XKR6: variants seen among roughly 807,000 people sequenced by gnomAD.
The protein encoded by XKR6 is XK related 6, also known as XK-related protein 6.
A neutral mutation model predicts 56.7 loss-of-function variants in XKR6; 22 were observed. That is an observed-to-expected ratio of 0.39 (90% CI 0.28 to 0.55). XKR6 has a LOEUF of 0.55. XKR6 is among the 20% of genes least tolerant of loss of function. XKR6 has a pLI of 0.66. For synonymous variants in XKR6, 524 were observed against 387.8 expected, an observed-to-expected ratio of 1.35 and a Z score of -4.13; for missense variants, 852 against 889.0, an observed-to-expected ratio of 0.96 and a Z score of 0.53.
At chr8:11,142,734 T>C (rs1586607416) in intron 1 of XKR6, among the ~76,000 whole-genome samples, 1 of 152,184 alleles carries the variant, frequency 6.6e-6, no homozygotes, top group Non-Finnish European at 1.5e-5. Context: ...TGCAGAACCA[T>C]GAGCCAATTA....
intron 1 of XKR6, among the ~76,000 whole-genome samples, chr8:11,111,404 G>C (rs151047862): frequency 6.8e-4 from 103 of 152,212 alleles, no homozygotes; most frequent in African/African-American, 2.2e-3. Flanking sequence ...AGTATATTTG[G>C]ATATAATTTG....
intron 2 of XKR6, among the ~76,000 whole-genome samples, chr8:10,901,587 T>C (rs1800037274): frequency 6.6e-6 from 1 of 152,186 alleles, no homozygotes; most frequent in African/African-American, 2.4e-5. Context: ...CACTGCTTGA[T>C]GTTAATCATG....
chr8:11,187,940 C>T (rs1254911666), intron 1 of XKR6, among the ~76,000 whole-genome samples: 10 of 152,194 alleles, frequency 6.6e-5, no homozygotes, highest in Admixed American at 6.5e-4. Context: ...AGTTAAGCCT[C>T]CCTGTATTTT....
chr8:10,959,175 C>T (rs1431645635), intron 1 of XKR6, among the ~76,000 whole-genome samples: 1 of 152,188 alleles, frequency 6.6e-6, no homozygotes, highest in Non-Finnish European at 1.5e-5. Flanking sequence ...AACAACTTCT[C>T]CTGGTCACCG....
At chr8:11,159,337 T>C (rs941905884) in intron 1 of XKR6, among the ~76,000 whole-genome samples, 1 of 152,230 alleles carries the variant, frequency 6.6e-6, no homozygotes, top group Non-Finnish European at 1.5e-5. Context: ...AAACTTACTT[T>C]ACTAATAACA....
chr8:10,898,021 G>A lies in XKR6; in HGVS notation c.1857C>T (p.Thr619=), dbSNP rs146361716. The change falls in exon 3 of 3, where the codon ACC becomes ACT. Residue 619 remains threonine, a synonymous_variant. Coordinates refer to ENST00000416569, the MANE Select transcript of XKR6 (RefSeq NM_173683.4). The surrounding 1 kb of genome is among the most constrained non-coding windows in gnomAD (Gnocchi z 6.6). The part of the protein sequence containing the change: ...TINILQYVTP[T]AVGIRYRDGP... ...CGTCTCGATATCGAATGCCTACTGC[G>A]GTGGGGGTGACATATTGTAGAATGT... 4.8e-5 allele frequency: 77 copies of A among 1,613,444 alleles called. No homozygotes were observed. The highest frequency in any genetic ancestry group is 1.3e-4 in the East Asian group (6 of 44,894).
intron 1 of XKR6, chr8:11,128,748 T>A: frequency 2.3e-6 from 1 of 432,666 alleles, no homozygotes; most frequent in South Asian, 1.7e-5. Context: ...ACATCATCCT[T>A]TCCAACTTTC....
At chr8:11,184,745 T>C (rs567536751) in intron 1 of XKR6, among the ~76,000 whole-genome samples, 1 of 152,314 alleles carries the variant, frequency 6.6e-6, no homozygotes, top group African/African-American at 2.4e-5. Flanking sequence ...TTGTCCAGGC[T>C]GGTCTCAAAC....
chr8:11,005,028 T>A (rs1046814241), intron 1 of XKR6, among the ~76,000 whole-genome samples: 5 of 152,112 alleles, frequency 3.3e-5, no homozygotes, highest in African/African-American at 1.2e-4. Context: ...TGTGGTACAG[T>A]CCCTCTGCAA....
intron 1 of XKR6, among the ~76,000 whole-genome samples, chr8:11,067,868 CCA>C (rs1484598163): frequency 6.6e-6 from 1 of 152,252 alleles, no homozygotes; most frequent in Non-Finnish European, 1.5e-5. Flanking sequence ...TGGGGTTGCA[CCA>C]CTGAGCCTGG....
intron 1 of XKR6, among the ~76,000 whole-genome samples, chr8:11,177,816 T>A (rs1414583923): frequency 6.6e-6 from 1 of 152,226 alleles, no homozygotes; most frequent in Non-Finnish European, 1.5e-5. Flanking sequence ...ACTTCTAGCC[T>A]CAGGCTCTGA....
intron 1 of XKR6, among the ~76,000 whole-genome samples, chr8:11,021,492 C>A (rs1406828104): frequency 6.6e-6 from 1 of 152,122 alleles, no homozygotes; most frequent in East Asian, 1.9e-4. Context: ...AATGGATAGT[C>A]ATTTCTTTCT....
intron 1 of XKR6, among the ~76,000 whole-genome samples, chr8:11,045,340 G>A (rs1248606593): frequency 4.6e-5 from 7 of 151,834 alleles, no homozygotes; most frequent in Non-Finnish European, 8.8e-5. Flanking sequence ...TACCCATCTT[G>A]GCCTCCCAGA....
chr8:10,980,745 G>A (rs537508650), intron 1 of XKR6, among the ~76,000 whole-genome samples: 60 of 152,148 alleles, frequency 3.9e-4, no homozygotes, highest in African/African-American at 9.9e-4. Context: ...CCTATCTATC[G>A]TCTATCACCT....
chr8:11,132,767 G>GCACACA lies in XKR6; in HGVS notation c.764+67803_764+67808dup, dbSNP rs149748655. Among the ~76,000 whole-genome samples, 356 of 138,268 alleles carry GCACACA rather than the reference G, an allele frequency of 2.6e-3. 2 individuals carry two copies. Among genetic ancestry groups the GCACACA allele is most frequent in the African/African-American group, 9.3e-3 (321 of 34,414 alleles). 90.7% of individuals were successfully genotyped at this position (138,268 alleles called of 152,430 possible). On this transcript the variant is annotated intron_variant, in intron 1 of 2. Coordinates refer to ENST00000416569, the MANE Select transcript of XKR6 (RefSeq NM_173683.4). ...CCTTCATTCATACACACACACGCAC[G>GCACACA]CACACACACACACACACACGCACAT...
chr8:11,174,994 A>G (rs1802583421), intron 1 of XKR6: 1 of 152,190 alleles, frequency 6.6e-6, no homozygotes, highest in African/African-American at 2.4e-5. Context: ...AGGGGAGAGG[A>G]AACTGAAAGA....
At chr8:11,004,329 G>T (rs59446076) in intron 1 of XKR6, among the ~76,000 whole-genome samples, 42,890 of 151,864 alleles carry the variant, frequency 0.28, 6,617 homozygotes, top group African/African-American at 0.37. Flanking sequence ...AAAATTAACC[G>T]GGCATGTTGG....
rs560479247 is a variant in XKR6, at chr8:11,029,798, C to T, written c.765-104968G>A. On this transcript the variant is annotated intron_variant, in intron 1 of 2. Transcript: ENST00000416569. ...TGGAACCCAGGACACTCTAACTCTC[C>T]TCTCTTATTCTAATTTTCAATTCTC... Among the ~76,000 whole-genome samples the T allele has an allele frequency of 2.6e-5, 4 of 152,178 alleles. No individual in the cohort carries two copies. In the South Asian group the frequency reaches 6.2e-4, roughly 24 times the overall value.
chr8:10,900,879 G>T (rs1401182629), intron 2 of XKR6, among the ~76,000 whole-genome samples: 2 of 90,308 alleles, frequency 2.2e-5, no homozygotes, highest in African/African-American at 4.5e-5. Context: ...TTTTGAGACA[G>T]GGTTTTACCC....
Sources: gnomAD v4.1 joint callset for allele counts (sites outside exome capture counted in the v4.1 genomes callset) on GRCh38, gnomAD v4.1.1 for gene constraint, Gnocchi (gnomAD v3.1) non-coding constraint, MANE v1.5 for transcripts, NCBI Gene and HGNC (gene_info 2026-07-23, HGNC 2026-07-21) for gene names.